Variants in TLN2 observed in about 807,000 individuals in gnomAD.
TLN2 encodes the protein talin 2.
Under a neutral mutation model 294.7 loss-of-function variants are expected in TLN2, and 118 were observed. That is an observed-to-expected ratio of 0.40 (90% CI 0.34 to 0.47). TLN2 has a LOEUF of 0.47. Among genes scored for constraint, TLN2 ranks in the 20% least tolerant of loss-of-function variants. TLN2 has a pLI of 0.84. For synonymous variants in TLN2, 1,431 were observed against 1,304.5 expected (o/e 1.10, Z -2.09); for missense variants, 3,083 against 3,282.2 (o/e 0.94, Z 1.48).
rs369452036 is a variant in TLN2 at position 62,687,225 on chromosome 15, AAG to A, written c.1113+434_1113+435del. On this transcript the variant is annotated intron_variant, in intron 12 of 58. Coordinates refer to ENST00000636159, the MANE Select transcript of TLN2 (RefSeq NM_015059.3). ...GGAATGTTTTCCCAGCCTGCCTAGA[AAG>A]AGAGCATAGTACACAGTGGAAATAA... Among the ~76,000 whole-genome samples, 31 of 152,342 alleles carry A rather than the reference AAG, an allele frequency of 2.0e-4. No homozygotes were observed. The East Asian group carries it at 5.4e-3, about 27-fold the overall frequency.
rs192260377 is a variant in TLN2 at position 62,583,466 on chromosome 15, A to G, written c.-237-6221A>G. 3.9e-5 allele frequency among the ~76,000 whole-genome samples: 6 copies of G among 152,260 alleles called. No individual in the cohort carries two copies. The East Asian group carries it at 1.2e-3, about 29-fold the overall frequency. Reference sequence around the variant, plus strand: ...GTTTCTTCTAACCCAGAAGTCATAAAGAGAAATACTCTTTTCTCCTCTCGC... The same window carrying G: ...GTTTCTTCTAACCCAGAAGTCATAAGGAGAAATACTCTTTTCTCCTCTCGC... On this transcript the variant is annotated intron_variant, in intron 1 of 58. Coordinates refer to ENST00000636159, the MANE Select transcript of TLN2 (RefSeq NM_015059.3).
At chr15:62,646,508 T>C (rs1421671430) in intron 3 of TLN2, among the ~76,000 whole-genome samples, 1 of 152,164 alleles carries the variant, frequency 6.6e-6, no homozygotes, top group South Asian at 2.1e-4. Flanking sequence ...AAACAAAATA[T>C]CTCCATAGTT....
intron 1 of TLN2, among the ~76,000 whole-genome samples, chr15:62,530,064 G>C (rs771588115): frequency 6.6e-6 from 1 of 152,066 alleles, no homozygotes; most frequent in African/African-American, 2.4e-5. Context: ...TGTGGCTTGC[G>C]CCTGTAGTCC....
In TLN2 at chr15:62,507,455, T is replaced by C. The variant is rs149787379; in HGVS notation, c.-237-82232T>C. ...AGTCCCTTGCCCTAAGGCTGGTCCT[T>C]CTTTGGGCAGCTTTGACTGAGTTTG... On this transcript the variant is annotated intron_variant, in intron 1 of 58. Coordinates refer to ENST00000636159, the MANE Select transcript of TLN2 (RefSeq NM_015059.3). Among the ~76,000 whole-genome samples, 242 of 152,302 alleles carry C rather than the reference T, an allele frequency of 1.6e-3. 1 individual carries two copies. Among genetic ancestry groups the C allele is most frequent in the African/African-American group, 5.5e-3 (230 of 41,566 alleles).
chr15:62,412,778 C>T (rs2033848383), intron 1 of TLN2, among the ~76,000 whole-genome samples: 1 of 152,188 alleles, frequency 6.6e-6, no homozygotes, highest in Non-Finnish European at 1.5e-5. Context: ...AGCACAATGT[C>T]AGAGGAAATA....
At chr15:62,528,206 A>T (rs1303294475) in intron 1 of TLN2, among the ~76,000 whole-genome samples, 1 of 152,228 alleles carries the variant, frequency 6.6e-6, no homozygotes, top group African/African-American at 2.4e-5. Flanking sequence ...ATAATTTGTT[A>T]AATGGATATG....
At chr15:62,636,215 T>A (rs188185626) in intron 3 of TLN2, among the ~76,000 whole-genome samples, 9 of 151,758 alleles carry the variant, frequency 5.9e-5, no homozygotes. Context: ...GAACTAGACT[T>A]AATGACTTCT....
intron 25 of TLN2, 28 bp from the exon 26 acceptor site, chr15:62,722,325 A>G (rs756917002): frequency 2.5e-6 from 4 of 1,589,346 alleles, no homozygotes; most frequent in South Asian, 2.3e-5. Context: ...CCCAGGAGCC[A>G]TCTTACTTTC....
chr15:62,803,613 A>G (rs79913073), intron 50 of TLN2, among the ~76,000 whole-genome samples: 3,446 of 152,296 alleles, frequency 0.023, 58 homozygotes, highest in Non-Finnish European at 0.031. Context: ...TCTTCAGTAT[A>G]TTAATTGCCA....
At chr15:62,478,032 A>T (rs2037878943) in intron 1 of TLN2, among the ~76,000 whole-genome samples, 1 of 152,182 alleles carries the variant, frequency 6.6e-6, no homozygotes, top group African/African-American at 2.4e-5. Flanking sequence ...CGCCCTAAAT[A>T]GTTAACAGCT....
chr15:62,417,448 T>C (rs8032921), intron 1 of TLN2, among the ~76,000 whole-genome samples: 111,679 of 152,054 alleles, frequency 0.73, 42,092 homozygotes, highest in Middle Eastern at 0.87. Context: ...ATTGCTTTAC[T>C]GTGTCCTCAT....
At chr15:62,782,160 G>A (rs1189417778) in intron 44 of TLN2, among the ~76,000 whole-genome samples, 1 of 152,210 alleles carries the variant, frequency 6.6e-6, no homozygotes, top group Non-Finnish European at 1.5e-5. Flanking sequence ...TCCCCTCTGA[G>A]TGGTTTTGTC....
At chr15:62,649,328 A>G (rs1022157904) in intron 4 of TLN2, among the ~76,000 whole-genome samples, 5 of 151,096 alleles carry the variant, frequency 3.3e-5, no homozygotes, top group African/African-American at 9.8e-5. Context: ...TGATTGCTAT[A>G]TAGTGCTGGT....
chr15:62,810,069 G>A lies in TLN2; in HGVS notation c.6771+37G>A, dbSNP rs763544293. On this transcript the variant is annotated intron_variant, in intron 52 of 58. Transcript: ENST00000636159. Reference sequence around the variant, plus strand: ...CATGAGTCAGGGCTGGGGAGTAGCTGTGTCCCTCTAGCTGTCCTGGCTGAT... The same window carrying A: ...CATGAGTCAGGGCTGGGGAGTAGCTATGTCCCTCTAGCTGTCCTGGCTGAT... 3.4e-5 allele frequency: 52 copies of A among 1,542,706 alleles called. 2 individuals are homozygous for A. In the South Asian group the frequency reaches 5.1e-4, roughly 15 times the overall value.
chr15:62,657,106 C>G (rs1315140366), intron 8 of TLN2, among the ~76,000 whole-genome samples: 1 of 141,612 alleles, frequency 7.1e-6, no homozygotes, highest in East Asian at 2.1e-4. Flanking sequence ...GAGTGTCCAT[C>G]TTAGGGTGAT....
rs1468877681 is a variant in TLN2 at position 62,766,315 on chromosome 15, T to C, written c.5095-6T>C. 1 of 1,609,788 alleles carries C rather than the reference T, an allele frequency of 6.2e-7. No homozygotes were observed. ...GGGATGAACTTGACACTTCTCTCCTTATCAGGCCCTGCAGGAGCAGCTGAC... is the reference window on the plus strand; with the variant it reads ...GGGATGAACTTGACACTTCTCTCCTCATCAGGCCCTGCAGGAGCAGCTGAC... On this transcript the variant is annotated splice_polypyrimidine_tract_variant and splice_region_variant and intron_variant, in intron 40 of 58. Coordinates refer to ENST00000636159, the MANE Select transcript of TLN2 (RefSeq NM_015059.3).
At chr15:62,726,956 C>T (rs374476324) in intron 27 of TLN2, 131 bp from the exon 28 acceptor site, 26 of 891,526 alleles carry the variant, frequency 2.9e-5, no homozygotes, top group East Asian at 2.2e-4. Flanking sequence ...CACCCTGCTG[C>T]GGCTTAGTGC....
intron 44 of TLN2, among the ~76,000 whole-genome samples, chr15:62,783,491 C>T (rs374279726): frequency 1.3e-5 from 2 of 152,226 alleles, no homozygotes; most frequent in Admixed American, 6.5e-5. Flanking sequence ...CTGCACAGCC[C>T]GAACGCTGAG....
At chr15:62,667,497 C>G (rs888506111) in intron 9 of TLN2, among the ~76,000 whole-genome samples, 2 of 152,160 alleles carry the variant, frequency 1.3e-5, no homozygotes, top group African/African-American at 4.8e-5. Flanking sequence ...AGTGGATACT[C>G]TGCTGCTTTG....
Sources: gnomAD v4.1 joint callset for allele counts (sites outside exome capture counted in the v4.1 genomes callset) on GRCh38, gnomAD v4.1.1 for gene constraint, MANE v1.5 for transcripts, NCBI Gene and HGNC (gene_info 2026-07-23, HGNC 2026-07-21) for gene names.